NUDT16L1: variants seen among roughly 807,000 people sequenced by gnomAD.
The protein encoded by NUDT16L1 is nudix hydrolase 16 like 1, also known as tudor-interacting repair regulator protein.
A neutral mutation model predicts 17.3 loss-of-function variants in NUDT16L1; 19 were observed. That is an observed-to-expected ratio of 1.10 (90% CI 0.77 to 1.61). The LOEUF (loss-of-function observed/expected upper bound fraction) is 1.61, where lower values mean the gene tolerates loss of function less well. NUDT16L1 is among the 40% of genes most tolerant of loss of function. The pLI is 0.00. For missense variants in NUDT16L1, 341 were observed against 292.0 expected, an observed-to-expected ratio of 1.17 and a Z score of -1.22; for synonymous variants, 255 against 138.6, an observed-to-expected ratio of 1.84 and a Z score of -5.90.
intron 2 of NUDT16L1, 156 bp from the exon 3 acceptor site, chr16:4,694,802 G>C (rs918203894): frequency 6.9e-7 from 1 of 1,444,866 alleles, no homozygotes; most frequent in Non-Finnish European, 9.1e-7. Context: ...CTCCGAGGGA[G>C]CTGGCTGGCT....
At chr16:4,695,286 G>A (rs937001527) in exon 3 of NUDT16L1, 17 of 1,138,090 alleles carry the variant, frequency 1.5e-5, no homozygotes, top group Middle Eastern at 5.8e-4. Context: ...ACTGCCTAGG[G>A]CGAGTGGGCA....
exon 2 of NUDT16L1, chr16:4,694,014 G>C: frequency 6.3e-7 from 1 of 1,583,388 alleles, no homozygotes. Context: ...GGGCTTCCCC[G>C]GGGGCTTCGT....
intron 1 of NUDT16L1, 23 bp from the exon 2 acceptor site, chr16:4,693,955 C>A: frequency 6.5e-7 from 1 of 1,537,162 alleles, no homozygotes. Flanking sequence ...GACCCCGCGG[C>A]TGTGACCCGC....
At position 4,694,893 on chromosome 16, in the gene NUDT16L1, C is replaced by T. The variant is rs556614799; in HGVS notation, c.415-65C>T. ...TACCCTGGCCTCATAGCTTCCAGGC[C>T]CCTCCTGCTGGAGGTGCCATTGTGT... On this transcript the variant is annotated intron_variant, in intron 2 of 2. Coordinates refer to ENST00000304301, the Ensembl canonical transcript of NUDT16L1. The T allele has an allele frequency of 1.2e-4, 189 of 1,537,694 alleles. No homozygotes were observed. The Middle Eastern group carries it at 1.6e-3, about 13-fold the overall frequency.
exon 3 of NUDT16L1, chr16:4,695,150 C>T (rs1198686267): frequency 1.9e-6 from 3 of 1,613,110 alleles, no homozygotes; most frequent in East Asian, 2.2e-5. Flanking sequence ...GAAGAAGGCC[C>T]TGGAGAAGTT....
At chr16:4,693,856 A>G in exon 1 of NUDT16L1, 4 of 1,554,696 alleles carry the variant, frequency 2.6e-6, no homozygotes, top group Non-Finnish European at 3.5e-6. Context: ...CTTCGGCCGC[A>G]TCCCCATGCG....
intron 2 of NUDT16L1, 175 bp from the exon 3 acceptor site, chr16:4,694,783 G>A: frequency 6.9e-7 from 1 of 1,440,262 alleles, no homozygotes; most frequent in Non-Finnish European, 9.1e-7. Flanking sequence ...GGAGGAGGGG[G>A]CTGCACTGCT....
At chr16:4,695,207 C>G in exon 3 of NUDT16L1, 1 of 1,602,086 alleles carries the variant, frequency 6.2e-7, no homozygotes, top group Non-Finnish European at 8.5e-7. Context: ...GGCACCCTCC[C>G]CTGGGCCGGA....
rs1361317157 is a variant in NUDT16L1, at chr16:4,695,252, GTGTT to G, written c.*77_*80del. The stretch of plus-strand genomic sequence containing the variant: ...ATTCCTGCTAAGTGTGGCTTCTAGA[GTGTT>G]TGTGTGTACCCCGCTTCTGACTGCC... On this transcript the variant is annotated 3_prime_UTR_variant, in exon 3 of 3. Coordinates refer to ENST00000304301, the Ensembl canonical transcript of NUDT16L1. 8.9e-6 allele frequency: 13 copies of G among 1,466,342 alleles called. No individual in the cohort carries two copies. The East Asian group carries it at 1.1e-4, about 13-fold the overall frequency. 90.8% of individuals were successfully genotyped at this position (1,466,342 alleles called of 1,614,324 possible). A position where few individuals can be genotyped will look rare whatever the true frequency, so the allele number is the denominator to read the frequency against.
At chr16:4,695,070 C>T in exon 3 of NUDT16L1, 2 of 1,613,566 alleles carry the variant, frequency 1.2e-6, no homozygotes, top group Non-Finnish European at 8.5e-7. Context: ...CTCCTCTTTG[C>T]CCTCAAGGTG....
At chr16:4,695,087 A>G (rs766027550) in exon 3 of NUDT16L1, 3 of 1,613,512 alleles carry the variant, frequency 1.9e-6, no homozygotes, top group Admixed American at 1.7e-5. Context: ...GGTGCTCAAC[A>G]TGATGCCCGA....
At chr16:4,694,172 G>A in exon 2 of NUDT16L1, 1 of 1,581,228 alleles carries the variant, frequency 6.3e-7, no homozygotes, top group Non-Finnish European at 8.5e-7. Flanking sequence ...ACGCGCGGCA[G>A]CTGACGCTGG....
chr16:4,693,725 A>G (rs745413579), exon 1 of NUDT16L1: 6 of 1,526,336 alleles, frequency 3.9e-6, no homozygotes, highest in East Asian at 5.5e-5. Flanking sequence ...GTCAGTGCCA[A>G]GATGTCGACG....
chr16:4,693,660 A>C (rs1247371763), upstream of NUDT16L1: 1 of 1,346,022 alleles, frequency 7.4e-7, no homozygotes, highest in East Asian at 3.1e-5. Flanking sequence ...CGGATTGGCG[A>C]GGCACGGCGG....
chr16:4,695,011 C>T lies in NUDT16L1; in HGVS notation c.468C>T (p.Gly156=), dbSNP rs370856671. Residue 156 remains glycine, a synonymous_variant, in exon 3 of 3, where the codon GGC becomes GGT. Coordinates refer to ENST00000304301, the Ensembl canonical transcript of NUDT16L1. ...ACACCCAGAAGGACCGAGTCGGAGG[C>T]TTCCCCAACTTCCTGAGCAACGCCT... The T allele has an allele frequency of 2.5e-6, 4 of 1,612,936 alleles. No homozygotes were observed. The South Asian group carries it at 4.4e-5, about 18-fold the overall frequency.
In NUDT16L1 at chr16:4,693,899, C is replaced by T. The variant is rs370224467; in HGVS notation, c.153+20C>T. 4.0e-6 allele frequency: 6 copies of T among 1,481,572 alleles called. No homozygotes were observed. Among genetic ancestry groups the T allele is most frequent in the Admixed American group, 5.4e-5 (2 of 37,202 alleles). 91.8% of individuals were successfully genotyped at this position (1,481,572 alleles called of 1,614,324 possible). A position where few individuals can be genotyped will look rare whatever the true frequency, so the allele number is the denominator to read the frequency against. On this transcript the variant is annotated intron_variant, in intron 1 of 2. Coordinates refer to ENST00000304301, the Ensembl canonical transcript of NUDT16L1. ...GTGCTGGTGAGGACGGGCGAGGGCG[C>T]GGGCGAGGGTGCCGGCGCGGGCGGG...
intron 2 of NUDT16L1, chr16:4,694,628 T>TGG: frequency 7.0e-7 from 1 of 1,419,976 alleles, no homozygotes; most frequent in Admixed American, 2.9e-5. Context: ...TCTTGGGATT[T>TGG]GTACTTTGTG....
chr16:4,695,692 T>G, exon 3 of NUDT16L1: 1 of 403,936 alleles, frequency 2.5e-6, no homozygotes, highest in Non-Finnish European at 4.4e-6. Context: ...CTTTGCTAGA[T>G]TTTCTCTTTC....
intron 2 of NUDT16L1, chr16:4,694,529 G>A (rs1168462373): frequency 6.8e-7 from 1 of 1,472,980 alleles, no homozygotes; most frequent in Non-Finnish European, 8.9e-7. Context: ...GGAAGGGATG[G>A]GGGAGGAGCG....
Sources: allele counts gnomAD v4.1 joint callset, GRCh38; gene constraint gnomAD v4.1.1; transcripts MANE v1.5; gene names NCBI Gene and HGNC (gene_info 2026-07-23, HGNC 2026-07-21).